Variants in CUL3 observed in about 807,000 individuals in gnomAD.
The protein encoded by CUL3 is cullin 3, also known as cullin-3.
CUL3 carries 19 observed loss-of-function variants against 89.1 expected under a neutral mutation model. The ratio of observed to expected loss-of-function variants is 0.21; its 90% CI spans 0.15 to 0.31. The LOEUF is 0.31. Among genes scored for constraint, CUL3 ranks in the 10% least tolerant of loss-of-function variants. CUL3 has a pLI of 1.00. For synonymous variants in CUL3, 351 were observed against 308.4 expected (o/e 1.14, Z -1.45); for missense variants, 469 against 942.3 (o/e 0.50, Z 6.58).
chr2:224,569,977 A>T (rs978548050), intron 1 of CUL3, among the ~76,000 whole-genome samples: 8 of 148,832 alleles, frequency 5.4e-5, no homozygotes, highest in African/African-American at 1.8e-4. Context: ...AAAAAAAAAA[A>T]AGCTTTGGTA....
At chr2:224,475,534 C>A (rs1465451626) in intron 15 of CUL3, among the ~76,000 whole-genome samples, 1 of 152,174 alleles carries the variant, frequency 6.6e-6, no homozygotes, top group Non-Finnish European at 1.5e-5. Context: ...CCCAAAGCCA[C>A]AATGGATTGA....
chr2:224,547,018 T>A (rs1319401390), intron 2 of CUL3, among the ~76,000 whole-genome samples: 1 of 152,066 alleles, frequency 6.6e-6, no homozygotes, highest in East Asian at 1.9e-4. Flanking sequence ...GTCACCACCA[T>A]CCCAAAAAGC....
chr2:224,580,942 A>T (rs1383846343), intron 1 of CUL3, among the ~76,000 whole-genome samples: 4 of 151,742 alleles, frequency 2.6e-5, no homozygotes. Context: ...AATGAAAGAA[A>T]TGGGGGCGTG....
intron 1 of CUL3, among the ~76,000 whole-genome samples, chr2:224,583,995 T>A (rs981043835): frequency 5.3e-5 from 8 of 152,254 alleles, no homozygotes; most frequent in African/African-American, 1.9e-4. Flanking sequence ...TGCCTTTTAT[T>A]GTAGCGACAT....
intron 1 of CUL3, among the ~76,000 whole-genome samples, chr2:224,563,545 TAC>T (rs1694967353): frequency 6.6e-6 from 1 of 152,216 alleles, no homozygotes; most frequent in Non-Finnish European, 1.5e-5. Flanking sequence ...TCCTCCTATC[TAC>T]AGTTTCACCT....
chr2:224,514,793 A>G (rs760900971), intron 3 of CUL3, 21 bp from the exon 4 acceptor site: 1 of 1,543,506 alleles, frequency 6.5e-7, no homozygotes, highest in Non-Finnish European at 8.9e-7. Flanking sequence ...AGTCATATAA[A>G]TATGAGTACA....
At chr2:224,583,262 A>G (rs1032792331) in intron 1 of CUL3, among the ~76,000 whole-genome samples, 5 of 152,134 alleles carry the variant, frequency 3.3e-5, no homozygotes, top group African/African-American at 1.2e-4. Context: ...CTGTAATCCC[A>G]GCTACTCAGG....
At chr2:224,537,642 A>C (rs191126904) in intron 2 of CUL3, among the ~76,000 whole-genome samples, 1 of 152,224 alleles carries the variant, frequency 6.6e-6, no homozygotes. Flanking sequence ...TTTACTGAAG[A>C]GTAGCAATTA....
Position 224,569,721 on chromosome 2 carries a change from C to T in CUL3, c.67-11865G>A, listed in dbSNP as rs1016409001. 3 of 1,219,638 alleles carry T rather than the reference C, an allele frequency of 2.5e-6. No individual in the cohort carries two copies. In the African/African-American group the frequency reaches 4.8e-5, roughly 20 times the overall value. The allele number at this position is 1,219,638 out of a possible 1,614,324, so 75.6% of individuals were successfully genotyped here. ...GAAGGTTCTGTGATTACTGAGAGAACTACATCATGAGACAAATTAAAACTA... is the reference window on the plus strand; with the variant it reads ...GAAGGTTCTGTGATTACTGAGAGAATTACATCATGAGACAAATTAAAACTA... On this transcript the variant is annotated intron_variant, in intron 1 of 15. Coordinates refer to ENST00000264414, the MANE Select transcript of CUL3 (RefSeq NM_003590.5).
intron 1 of CUL3, among the ~76,000 whole-genome samples, chr2:224,580,220 T>C (rs1303619142): frequency 6.6e-6 from 1 of 152,228 alleles, no homozygotes; most frequent in East Asian, 1.9e-4. Flanking sequence ...GGAAAGCTTA[T>C]AAACTGGAAT....
intron 13 of CUL3, among the ~76,000 whole-genome samples, chr2:224,487,575 C>A (rs1691781448): frequency 6.6e-6 from 1 of 151,766 alleles, no homozygotes; most frequent in Non-Finnish European, 1.5e-5. Flanking sequence ...TATATATGCA[C>A]CCAACACAGG....
In CUL3 at chr2:224,482,028, T is replaced by C. The variant is rs1024995559; in HGVS notation, c.1893A>G (p.Leu631=). Residue 631 remains leucine, a synonymous_variant, in exon 14 of 16, where the codon CTA becomes CTG. Coordinates refer to ENST00000264414, the MANE Select transcript of CUL3 (RefSeq NM_003590.5). ...TTGGTTTACCACAGGCGAGGGACTG[T>C]AGGGCTCTAACAAGCTCTCTTTCAG... ...DIPERELVRA[L]QSLACGKPTQ... is the part of the protein sequence containing the mutation. 1.1e-5 allele frequency: 18 copies of C among 1,608,234 alleles called. No homozygotes were observed. Among genetic ancestry groups the C allele is most frequent in the African/African-American group, 2.7e-5 (2 of 74,758 alleles).
intron 2 of CUL3, among the ~76,000 whole-genome samples, chr2:224,553,854 G>A (rs537586186): frequency 3.9e-5 from 6 of 152,264 alleles, no homozygotes; most frequent in African/African-American, 1.2e-4. Flanking sequence ...AAGCCACCTG[G>A]TTTATGGGAT....
At chr2:224,551,205 ATTTT>A (rs1211420165) in intron 2 of CUL3, among the ~76,000 whole-genome samples, 4 of 133,996 alleles carry the variant, frequency 3.0e-5, no homozygotes, top group Non-Finnish European at 4.9e-5. Flanking sequence ...AAGCCCGGCA[ATTTT>A]TTTTTTTTTT....
chr2:224,583,507 C>T (rs997050005), intron 1 of CUL3, among the ~76,000 whole-genome samples: 1 of 152,142 alleles, frequency 6.6e-6, no homozygotes, highest in Non-Finnish European at 1.5e-5. Flanking sequence ...TAAGGGAAAA[C>T]ATACTAGTAA....
At chr2:224,486,706 C>T (rs1329491900) in intron 13 of CUL3, among the ~76,000 whole-genome samples, 2 of 152,068 alleles carry the variant, frequency 1.3e-5, no homozygotes, top group African/African-American at 4.8e-5. Flanking sequence ...AGGATATTAA[C>T]CAGGAGAACT....
chr2:224,553,253 CAG>C (rs1406292376), intron 2 of CUL3, among the ~76,000 whole-genome samples: 1 of 152,160 alleles, frequency 6.6e-6, no homozygotes. Context: ...CAGAAACTAG[CAG>C]AGGCTTCAAA....
chr2:224,545,987 T>G (rs1694277693), intron 2 of CUL3, among the ~76,000 whole-genome samples: 1 of 152,164 alleles, frequency 6.6e-6, no homozygotes, highest in Admixed American at 6.6e-5. Context: ...ATAGTATGAC[T>G]TAGAAAAATC....
chr2:224,526,401 C>T (rs780565417), intron 3 of CUL3, among the ~76,000 whole-genome samples: 1 of 151,772 alleles, frequency 6.6e-6, no homozygotes, highest in Non-Finnish European at 1.5e-5. Flanking sequence ...GTCTGGCCAA[C>T]GTGGTGAATC....
Sources: allele counts gnomAD v4.1 joint callset (sites outside exome capture counted in the v4.1 genomes callset), GRCh38; gene constraint gnomAD v4.1.1; transcripts MANE v1.5; gene names NCBI Gene and HGNC (gene_info 2026-07-23, HGNC 2026-07-21).